The following GRM3 variants were observed in gnomAD, a reference collection of about 807,000 sequenced individuals.
GRM3 encodes the protein metabotropic glutamate receptor 3.
In GRM3, 26 loss-of-function variants were observed where a neutral mutation model predicts 70.5. The ratio of observed to expected loss-of-function variants is 0.37; its 90% confidence interval spans 0.27 to 0.51. GRM3 has a LOEUF of 0.51. GRM3 is among the 20% of genes least tolerant of loss of function. The pLI, the probability that GRM3 is intolerant of heterozygous loss-of-function variation, is 0.93. For synonymous variants in GRM3, 443 were observed against 434.9 expected (o/e 1.02, Z -0.23); for missense variants, 859 against 1,123.8 (o/e 0.76, Z 3.37).
intron 1 of GRM3, among the ~76,000 whole-genome samples, chr7:86,724,631 C>A (rs184290660): frequency 7.9e-5 from 12 of 152,240 alleles, no homozygotes; most frequent in Admixed American, 1.3e-4. Flanking sequence ...ATCTGAAACA[C>A]CTGGCAATAT....
At chr7:86,666,196 C>T (rs187891829) in intron 1 of GRM3, among the ~76,000 whole-genome samples, 2 of 152,068 alleles carry the variant, frequency 1.3e-5, no homozygotes, top group African/African-American at 4.8e-5. Context: ...TTTGGAATAA[C>T]CCATTTTATA....
Position 86,795,307 on chromosome 7 carries a change from T to TATTTTATTTC in GRM3, c.1324+8200_1324+8201insCATTTTATTT, listed in dbSNP as rs1554361688. Among the ~76,000 whole-genome samples, 4 of 151,350 alleles carry TATTTTATTTC rather than the reference T, an allele frequency of 2.6e-5. No homozygotes were observed. In the East Asian group the frequency reaches 7.7e-4, roughly 29 times the overall value. On this transcript the variant is annotated intron_variant, in intron 3 of 5. Transcript: ENST00000361669. Reference sequence around the variant, plus strand: ...TATTTTATTTTATTTTATTTTATTTTATTTTATTTTATGTTCCAGGATACA... The same window carrying TATTTTATTTC: ...TATTTTATTTTATTTTATTTTATTTTATTTTATTTCATTTTATTTTATGTTCCAGGATACA...
At chr7:86,851,480 A>G (rs1443359418) in intron 5 of GRM3, among the ~76,000 whole-genome samples, 1 of 152,140 alleles carries the variant, frequency 6.6e-6, no homozygotes, top group Non-Finnish European at 1.5e-5. Context: ...GATGAGGGGG[A>G]AGAAAAGAAC....
At chr7:86,796,436 A>T (rs1334998563) in intron 3 of GRM3, among the ~76,000 whole-genome samples, 3 of 152,012 alleles carry the variant, frequency 2.0e-5, no homozygotes, top group African/African-American at 4.8e-5. Flanking sequence ...CTGTTTTTGT[A>T]CCTGTACTAT....
intron 2 of GRM3, among the ~76,000 whole-genome samples, chr7:86,782,228 G>A (rs1320146427): frequency 6.6e-6 from 1 of 151,710 alleles, no homozygotes; most frequent in Non-Finnish European, 1.5e-5. Context: ...CCTCCATTGT[G>A]TGTTTTTCAA....
At chr7:86,771,008 G>A (rs965587024) in intron 2 of GRM3, among the ~76,000 whole-genome samples, 1 of 152,038 alleles carries the variant, frequency 6.6e-6, no homozygotes, top group African/African-American at 2.4e-5. Context: ...CCATACATTG[G>A]CAAGTTACAA....
chr7:86,747,231 C>A (rs1276237729), intron 1 of GRM3, among the ~76,000 whole-genome samples: 1 of 152,074 alleles, frequency 6.6e-6, no homozygotes, highest in East Asian at 1.9e-4. Flanking sequence ...CTCAACAAAG[C>A]ATGTTTTATC....
At chr7:86,752,183 T>C (rs967732224) in intron 1 of GRM3, among the ~76,000 whole-genome samples, 1 of 152,102 alleles carries the variant, frequency 6.6e-6, no homozygotes, top group Non-Finnish European at 1.5e-5. Context: ...ACCTCTCATA[T>C]TCACAAGAGT....
intron 4 of GRM3, among the ~76,000 whole-genome samples, chr7:86,846,555 A>G (rs954561195): frequency 4.6e-5 from 7 of 152,190 alleles, no homozygotes; most frequent in African/African-American, 1.7e-4. Flanking sequence ...AGTGAATCTG[A>G]ATCCAAATGG....
At position 86,786,496 on chromosome 7, in the gene GRM3, G is replaced by A. The variant is rs1385120633; in HGVS notation, c.704G>A (p.Arg235His). ...TGIEAFEQEA[R>H]LRNICIATAE... ...ATCGAGGCCTTCGAGCAGGAAGCCC[G>A]CCTGCGCAACATCTGCATCGCTACG... The change falls in exon 3 of 6, where the codon CGC becomes CAC. Residue 235 changes from arginine (R) to histidine (H), a missense_variant. Arg to His is a conservative substitution (Grantham distance 29, BLOSUM62 0). Coordinates refer to ENST00000361669, the MANE Select transcript of GRM3 (RefSeq NM_000840.3). This position sits in a 1 kb window ranked among gnomAD's most constrained non-coding sequence, Gnocchi z 6.0. 6.2e-7 allele frequency: 1 copy of A among 1,614,204 alleles called. No homozygotes were observed. Among genetic ancestry groups the A allele is most frequent in the Non-Finnish European group, 8.5e-7 (1 of 1,180,034 alleles).
At chr7:86,714,886 G>A (rs963433143) in intron 1 of GRM3, among the ~76,000 whole-genome samples, 3 of 151,874 alleles carry the variant, frequency 2.0e-5, no homozygotes, top group Admixed American at 6.6e-5. Context: ...AAAAGAGCTC[G>A]ATTTAAGCCA....
At chr7:86,799,677 C>A (rs1198091739) in intron 3 of GRM3, among the ~76,000 whole-genome samples, 3 of 151,872 alleles carry the variant, frequency 2.0e-5, no homozygotes, top group African/African-American at 7.3e-5. Context: ...CAGGCGCCCA[C>A]CACCAAGGCC....
At chr7:86,666,304 T>A (rs1794024689) in intron 1 of GRM3, among the ~76,000 whole-genome samples, 2 of 152,040 alleles carry the variant, frequency 1.3e-5, no homozygotes, top group South Asian at 2.1e-4. Context: ...CAGAAGCAAA[T>A]GGAATGATAC....
intron 1 of GRM3, among the ~76,000 whole-genome samples, chr7:86,719,795 C>T (rs922419303): frequency 2.0e-5 from 3 of 151,954 alleles, no homozygotes; most frequent in African/African-American, 7.2e-5. Flanking sequence ...TCATAGAGGA[C>T]TATTCCATGA....
chr7:86,679,295 T>C (rs1794386698), intron 1 of GRM3, among the ~76,000 whole-genome samples: 1 of 152,080 alleles, frequency 6.6e-6, no homozygotes. Context: ...GATAAAACAA[T>C]ATACATACAC....
At chr7:86,777,894 G>A (rs2116487074) in intron 2 of GRM3, among the ~76,000 whole-genome samples, 1 of 152,202 alleles carries the variant, frequency 6.6e-6, no homozygotes, top group East Asian at 1.9e-4. Context: ...GGGACACTGA[G>A]GTCTCTAAAC....
At chr7:86,684,013 A>G (rs897879942) in intron 1 of GRM3, among the ~76,000 whole-genome samples, 11 of 152,078 alleles carry the variant, frequency 7.2e-5, no homozygotes, top group African/African-American at 2.4e-4. Context: ...CAAGGTATGT[A>G]TTGCATTCTT....
rs960460883 is a variant in GRM3, at chr7:86,733,244, G to A, written c.-140-31762G>A. On this transcript the variant is annotated intron_variant, in intron 1 of 5. Transcript: ENST00000361669. ...TAGGAAAATGGCAGGAACCCAGGAG[G>A]TGGAGCTTGCAGTGAGGCAAGATCA... Among the ~76,000 whole-genome samples the A allele has an allele frequency of 2.6e-5, 4 of 151,588 alleles. No individual in the cohort carries two copies. In the East Asian group the frequency reaches 5.8e-4, roughly 22 times the overall value.
chr7:86,693,021 G>A (rs1291607966), intron 1 of GRM3, among the ~76,000 whole-genome samples: 5 of 152,130 alleles, frequency 3.3e-5, no homozygotes, highest in Non-Finnish European at 5.9e-5. Context: ...CTGGTAATAT[G>A]AGCAGGTCCA....
Sources: gnomAD v4.1 joint callset for allele counts (sites outside exome capture counted in the v4.1 genomes callset) on GRCh38, gnomAD v4.1.1 for gene constraint, Gnocchi (gnomAD v3.1) non-coding constraint, MANE v1.5 for transcripts, NCBI Gene and HGNC (gene_info 2026-07-23, HGNC 2026-07-21) for gene names.